DOCK4: variants seen among roughly 807,000 people sequenced by gnomAD.
DOCK4 encodes the protein dedicator of cytokinesis protein 4.
Under a neutral mutation model 268.1 loss-of-function variants are expected in DOCK4, and 97 were observed. That is an observed-to-expected ratio of 0.36 (90% CI 0.31 to 0.43). The LOEUF is 0.43. DOCK4 is among the 20% of genes least tolerant of loss of function. DOCK4 has a pLI of 1.00. For missense variants in DOCK4, 2,145 were observed against 2,455.7 expected, an observed-to-expected ratio of 0.87 and a Z score of 2.67; for synonymous variants, 954 against 887.2, an observed-to-expected ratio of 1.08 and a Z score of -1.34.
intron 1 of DOCK4, among the ~76,000 whole-genome samples, chr7:112,073,394 G>A (rs544626440): frequency 1.3e-5 from 2 of 151,848 alleles, no homozygotes; most frequent in Non-Finnish European, 2.9e-5. Context: ...AAACCTTAAT[G>A]TCCCTCAACA....
chr7:111,897,563 CA>C (rs1808861481), intron 15 of DOCK4, among the ~76,000 whole-genome samples: 2 of 151,638 alleles, frequency 1.3e-5, no homozygotes, highest in Admixed American at 1.3e-4. Context: ...TGAGAGTGCA[CA>C]TCTCTCCCCA....
At chr7:112,130,785 G>A (rs1162140986) in intron 1 of DOCK4, among the ~76,000 whole-genome samples, 1 of 152,138 alleles carries the variant, frequency 6.6e-6, no homozygotes, top group Non-Finnish European at 1.5e-5. Flanking sequence ...CCTACCAAAA[G>A]GAACCAATAA....
At chr7:112,002,643 T>C (rs1169447991) in intron 2 of DOCK4, among the ~76,000 whole-genome samples, 5 of 152,202 alleles carry the variant, frequency 3.3e-5, no homozygotes, top group African/African-American at 9.7e-5. Context: ...CTTGATATGA[T>C]AAAAATATCA....
At position 111,732,252 on chromosome 7, in the gene DOCK4, A is replaced by AG; in HGVS notation, c.5454dup (p.Ser1819LeufsTer57). On this transcript the variant is annotated frameshift_variant, in exon 52 of 53. Transcript: ENST00000428084. LOFTEE classifies it high-confidence loss of function. ...TTCAATGGAGATCGCCCGGCAGGCGAGGGGGATACTGATGTCGTGTGTCTT... is the reference window on the plus strand; with the variant it reads ...TTCAATGGAGATCGCCCGGCAGGCGAGGGGGGATACTGATGTCGTGTGTCTT... 1.2e-6 allele frequency: 2 copies of AG among 1,614,026 alleles called. No individual in the cohort carries two copies. Among genetic ancestry groups the AG allele is most frequent in the Non-Finnish European group, 1.7e-6 (2 of 1,179,890 alleles).
chr7:111,951,265 C>T (rs1202364774), intron 8 of DOCK4, among the ~76,000 whole-genome samples: 4 of 152,066 alleles, frequency 2.6e-5, no homozygotes, highest in Admixed American at 1.3e-4. Context: ...TGTGCCAGAC[C>T]CTATGACTTA....
intron 30 of DOCK4, among the ~76,000 whole-genome samples, chr7:111,794,225 C>T (rs1309876674): frequency 6.6e-6 from 1 of 152,096 alleles, no homozygotes; most frequent in African/African-American, 2.4e-5. Flanking sequence ...TTTATAGAAA[C>T]AGGAGCCAAC....
intron 17 of DOCK4, 80 bp from the exon 18 acceptor site, chr7:111,872,644 A>G (rs944359333): frequency 3.0e-5 from 37 of 1,240,910 alleles, no homozygotes; most frequent in Middle Eastern, 2.6e-4. Context: ...AGTAAAAGTA[A>G]AATTCTTAAC....
intron 8 of DOCK4, among the ~76,000 whole-genome samples, chr7:111,950,524 C>T (rs1795973397): frequency 6.6e-6 from 1 of 152,116 alleles, no homozygotes; most frequent in Non-Finnish European, 1.5e-5. Flanking sequence ...GAGTATTAAC[C>T]TTTTTGTATC....
At chr7:112,048,542 G>A (rs753549741) in intron 1 of DOCK4, among the ~76,000 whole-genome samples, 1 of 150,888 alleles carries the variant, frequency 6.6e-6, no homozygotes, top group Non-Finnish European at 1.5e-5. Flanking sequence ...CAGCATGGGC[G>A]ACGGAGTGAG....
intron 10 of DOCK4, among the ~76,000 whole-genome samples, chr7:111,941,734 C>A (rs1795209050): frequency 1.3e-5 from 2 of 152,220 alleles, no homozygotes; most frequent in East Asian, 3.9e-4. Context: ...ACATTTCAAT[C>A]CTTTTTTGTT....
At position 111,849,356 on chromosome 7, in the gene DOCK4, G is replaced by A. The variant is rs139157842; in HGVS notation, c.2474-2230C>T. Among the ~76,000 whole-genome samples, 317 of 149,226 alleles carry A rather than the reference G, an allele frequency of 2.1e-3. 4 individuals are homozygous for A. The highest frequency in any genetic ancestry group is 7.5e-3 in the African/African-American group (302 of 40,364). On this transcript the variant is annotated intron_variant, in intron 23 of 52. Transcript: ENST00000428084. ...TGGCTCACTGCAACCTCTGCCTCCC[G>A]GGTTCAAGTGTTTCTCCTGCCTCAA...
chr7:111,794,697 A>G (rs1205549269), intron 30 of DOCK4, among the ~76,000 whole-genome samples: 1 of 152,108 alleles, frequency 6.6e-6, no homozygotes, highest in Non-Finnish European at 1.5e-5. Context: ...TGCTCCCTAC[A>G]ACAACTCTAG....
Position 111,758,740 on chromosome 7 carries a change from G to A in DOCK4, c.4213C>T (p.Gln1405Ter). ...TPIPESQEVL[Q>*]REGVPDNIKS... ...ATGTTGTCCGGAACACCCTCTCTCT[G>A]CAGGACCTCCTGGCTCTCTGGAATG... The change falls in exon 41 of 53, where the codon CAG becomes TAG. Residue 1405 changes from glutamine to a stop codon, truncating the protein, a stop_gained. Coordinates refer to ENST00000428084, the MANE Select transcript of DOCK4 (RefSeq NM_001363540.2). LOFTEE classifies it high-confidence loss of function. The A allele has an allele frequency of 6.2e-7, 1 of 1,613,912 alleles. No homozygotes were observed. The highest frequency in any genetic ancestry group is 1.3e-5 in the African/African-American group (1 of 75,036).
At chr7:112,184,114 C>G (rs1454305473) in intron 1 of DOCK4, among the ~76,000 whole-genome samples, 3 of 152,180 alleles carry the variant, frequency 2.0e-5, no homozygotes, top group Non-Finnish European at 4.4e-5. Flanking sequence ...CATCTCTGTG[C>G]CCACAGCCCC....
intron 11 of DOCK4, among the ~76,000 whole-genome samples, chr7:111,936,552 G>A (rs1794759698): frequency 6.6e-6 from 1 of 152,084 alleles, no homozygotes; most frequent in African/African-American, 2.4e-5. Flanking sequence ...ATGTCCCTCT[G>A]CCTGGTAACT....
At position 111,924,488 on chromosome 7, in the gene DOCK4, C is replaced by T. The variant is rs562274612; in HGVS notation, c.1067-8584G>A. Among the ~76,000 whole-genome samples, 37 of 152,286 alleles carry T rather than the reference C, an allele frequency of 2.4e-4. No homozygotes were observed. The South Asian group carries it at 5.4e-3, about 22-fold the overall frequency. On this transcript the variant is annotated intron_variant, in intron 12 of 52. Transcript: ENST00000428084. ...TGTATATGTAGTGGAATTTTCATCA[C>T]GCTGAGCTGGTGCAGGCAGGAAGGA...
chr7:111,920,812 T>A (rs1174232238), intron 12 of DOCK4, among the ~76,000 whole-genome samples: 1 of 151,818 alleles, frequency 6.6e-6, no homozygotes, highest in Admixed American at 6.6e-5. Context: ...AGAGAGAATA[T>A]AAAACAGAAT....
At chr7:111,981,716 T>G (rs752759172) in intron 7 of DOCK4, among the ~76,000 whole-genome samples, 1 of 152,170 alleles carries the variant, frequency 6.6e-6, no homozygotes, top group Non-Finnish European at 1.5e-5. Context: ...TCTTCATCTG[T>G]AAAATGAAGA....
chr7:111,743,417 C>A (rs919474749), intron 44 of DOCK4, among the ~76,000 whole-genome samples: 1 of 152,156 alleles, frequency 6.6e-6, no homozygotes, highest in Non-Finnish European at 1.5e-5. Context: ...CTGGATGCTG[C>A]CCACTGCCAG....
Sources: allele counts gnomAD v4.1 joint callset (sites outside exome capture counted in the v4.1 genomes callset), GRCh38; gene constraint gnomAD v4.1.1; transcripts MANE v1.5; gene names NCBI Gene and HGNC (gene_info 2026-07-23, HGNC 2026-07-21).